VWC2: variants seen among roughly 807,000 people sequenced by gnomAD.
VWC2 encodes the protein brorin.
Under a neutral mutation model 29.8 loss-of-function variants are expected in VWC2, and 14 were observed. That is an observed-to-expected ratio of 0.47 (90% CI 0.31 to 0.74). The LOEUF is 0.74. Among genes scored for constraint, VWC2 ranks in the 30% least tolerant of loss-of-function variants. The pLI, the probability that VWC2 is intolerant of heterozygous loss-of-function variation, is 0.05. For synonymous variants in VWC2, 213 were observed against 199.0 expected (o/e 1.07, Z -0.59); for missense variants, 457 against 459.8 (o/e 0.99, Z 0.05).
At position 49,877,481 on chromosome 7, in the gene VWC2, A is replaced by AAAAATATACATATAT; in HGVS notation, c.827-34552_827-34551insAAATATACATATATA. 8.6e-4 allele frequency among the ~76,000 whole-genome samples: 11 copies of AAAAATATACATATAT among 12,728 alleles called. 2 individuals are homozygous for AAAAATATACATATAT. The highest frequency in any genetic ancestry group is 3.3e-3 in the South Asian group (1 of 302). The allele number at this position is 12,728 out of a possible 152,430, so 8.4% of individuals were successfully genotyped here. On this transcript the variant is annotated intron_variant, in intron 3 of 3. Transcript: ENST00000340652. ...CTGTCTCAAAAAAAAAAAAAAAAAA[A>AAAAATATACATATAT]ATATATATATATATATATATATATA... is the stretch of plus-strand genomic sequence containing the variant.
intron 3 of VWC2, among the ~76,000 whole-genome samples, chr7:49,892,845 C>CT (rs1792202660): frequency 6.6e-6 from 1 of 152,186 alleles, no homozygotes; most frequent in African/African-American, 2.4e-5. Context: ...GAAAAGACTT[C>CT]TATGGTCAAG....
chr7:49,889,915 G>A (rs1008158703), intron 3 of VWC2, among the ~76,000 whole-genome samples: 7 of 152,110 alleles, frequency 4.6e-5, no homozygotes, highest in African/African-American at 1.7e-4. Context: ...AAGTTTGAGA[G>A]ACAAATATAT....
chr7:49,848,332 T>C (rs908129755), intron 3 of VWC2, among the ~76,000 whole-genome samples: 1 of 152,148 alleles, frequency 6.6e-6, no homozygotes, highest in Non-Finnish European at 1.5e-5. Context: ...CTCTCTCCTG[T>C]GGGGTAGCTC....
chr7:49,874,667 G>A (rs1017273247), intron 3 of VWC2, among the ~76,000 whole-genome samples: 1 of 151,980 alleles, frequency 6.6e-6, no homozygotes, highest in African/African-American at 2.4e-5. Flanking sequence ...TTCTTTTCTG[G>A]AATTTATAAA....
intron 3 of VWC2, among the ~76,000 whole-genome samples, chr7:49,815,876 G>A (rs933047990): frequency 6.6e-6 from 1 of 152,142 alleles, no homozygotes; most frequent in Non-Finnish European, 1.5e-5. Context: ...ATCCTTTGCT[G>A]TACGCCACAA....
chr7:49,807,229 C>G (rs1788899869), intron 3 of VWC2, among the ~76,000 whole-genome samples: 1 of 152,144 alleles, frequency 6.6e-6, no homozygotes, highest in African/African-American at 2.4e-5. Context: ...TCAAAGTAAT[C>G]TATTGATTCA....
At chr7:49,869,937 A>G (rs1791070527) in intron 3 of VWC2, among the ~76,000 whole-genome samples, 1 of 152,236 alleles carries the variant, frequency 6.6e-6, no homozygotes, top group African/African-American at 2.4e-5. Context: ...CTTGATATAT[A>G]GAAGATGTGG....
intron 3 of VWC2, among the ~76,000 whole-genome samples, chr7:49,868,318 C>A (rs1272248008): frequency 6.6e-6 from 1 of 152,158 alleles, no homozygotes; most frequent in Non-Finnish European, 1.5e-5. Flanking sequence ...TTTTAAACCT[C>A]TTTAGCCAAG....
At chr7:49,899,348 G>T (rs755084883) in intron 3 of VWC2, among the ~76,000 whole-genome samples, 2 of 151,946 alleles carry the variant, frequency 1.3e-5, no homozygotes, top group African/African-American at 2.4e-5. Context: ...TAAAGTTTAG[G>T]AGTTTTTTAT....
chr7:49,856,893 C>T (rs1029372907), intron 3 of VWC2, among the ~76,000 whole-genome samples: 1 of 151,550 alleles, frequency 6.6e-6, no homozygotes, highest in Non-Finnish European at 1.5e-5. Context: ...CCTGTAGTCC[C>T]AGCTACTCGG....
chr7:49,791,401 G>GT (rs1346949513), intron 2 of VWC2, among the ~76,000 whole-genome samples: 2 of 152,210 alleles, frequency 1.3e-5, no homozygotes, highest in Non-Finnish European at 2.9e-5. Flanking sequence ...AAATAATCAT[G>GT]TAACAGGGTC....
At chr7:49,837,835 C>T (rs1438040289) in intron 3 of VWC2, among the ~76,000 whole-genome samples, 1 of 152,072 alleles carries the variant, frequency 6.6e-6, no homozygotes, top group Non-Finnish European at 1.5e-5. Context: ...GATGTGTTGC[C>T]TAGGAGGAGC....
intron 2 of VWC2, among the ~76,000 whole-genome samples, chr7:49,789,627 T>TC (rs397699412): frequency 3.3e-5 from 5 of 151,920 alleles, no homozygotes; most frequent in African/African-American, 1.2e-4. Context: ...CTCTCTTTTT[T>TC]CTCCCAAGGA....
rs1793487826 is a variant in VWC2, at chr7:49,912,137, A to G, written c.930A>G (p.Arg310=). 2 of 1,614,172 alleles carry G rather than the reference A, an allele frequency of 1.2e-6. No individual in the cohort carries two copies. Among genetic ancestry groups the G allele is most frequent in the Non-Finnish European group, 1.7e-6 (2 of 1,180,018 alleles). The change falls in exon 4 of 4, where the codon AGA becomes AGG. Residue 310 remains arginine, a synonymous_variant. Transcript: ENST00000340652. ...CHCTYEEGTW[R]IERQAMCTRH... The stretch of plus-strand genomic sequence containing the variant: ...GTACTTATGAGGAAGGCACATGGAG[A>G]ATCGAGCGGCAGGCCATGTGCACGA...
At chr7:49,821,622 A>G (rs564589763) in intron 3 of VWC2, among the ~76,000 whole-genome samples, 2 of 152,300 alleles carry the variant, frequency 1.3e-5, no homozygotes, top group Admixed American at 1.3e-4. Flanking sequence ...ACAATTCCGT[A>G]ATTTTCAAAG....
chr7:49,783,595 T>C (rs1045833785), intron 2 of VWC2, among the ~76,000 whole-genome samples: 1 of 152,208 alleles, frequency 6.6e-6, no homozygotes, highest in Non-Finnish European at 1.5e-5. Context: ...TCCTGCCAGC[T>C]GGATCATACT....
At chr7:49,859,963 T>C (rs151327453) in intron 3 of VWC2, among the ~76,000 whole-genome samples, 39 of 151,808 alleles carry the variant, frequency 2.6e-4, no homozygotes, top group African/African-American at 9.4e-4. Flanking sequence ...TGTTTACTTA[T>C]GTATAAATAT....
intron 2 of VWC2, among the ~76,000 whole-genome samples, chr7:49,789,113 AGAGTG>A (rs1365957679): frequency 1.2e-4 from 15 of 120,878 alleles, no homozygotes; most frequent in African/African-American, 5.5e-4. Flanking sequence ...AGAGATTGAG[AGAGTG>A]TAGTGTGTGT....
At chr7:49,829,260 C>T (rs1789471680) in intron 3 of VWC2, among the ~76,000 whole-genome samples, 1 of 152,172 alleles carries the variant, frequency 6.6e-6, no homozygotes, top group African/African-American at 2.4e-5. Context: ...AGAATCTGAA[C>T]ACCAATGTGA....
Sources: allele counts gnomAD v4.1 joint callset (sites outside exome capture counted in the v4.1 genomes callset), GRCh38; gene constraint gnomAD v4.1.1; transcripts MANE v1.5; gene names NCBI Gene and HGNC (gene_info 2026-07-23, HGNC 2026-07-21).